Variants in AKT3 observed in about 807,000 individuals in gnomAD.
The protein encoded by AKT3 is AKT serine/threonine kinase 3.
Under a neutral mutation model 65.3 loss-of-function variants are expected in AKT3, and 15 were observed. The ratio of observed to expected loss-of-function variants is 0.23; its 90% CI spans 0.15 to 0.35. The LOEUF (loss-of-function observed/expected upper bound fraction) is 0.35. Ranked by LOEUF, AKT3 falls within the 10% of genes least tolerant of loss-of-function variation. AKT3 has a pLI of 1.00. For missense variants in AKT3, 243 were observed against 576.5 expected (o/e 0.42, Z 5.92); for synonymous variants, 206 against 183.8 (o/e 1.12, Z -0.98).
chr1:243,653,001 A>G (rs2147873139), intron 4 of AKT3, among the ~76,000 whole-genome samples: 1 of 152,076 alleles, frequency 6.6e-6, no homozygotes, highest in East Asian at 1.9e-4. Context: ...CTCCCACACA[A>G]TAATAGTGGG....
chr1:243,665,602 G>GT lies in AKT3; in HGVS notation c.173-720dup, dbSNP rs763992945. ...TGTGCGTAGATTCAATTATTTTTTC[G>GT]TACCATTAACTACACAAACTTGGAC... On this transcript the variant is annotated intron_variant, in intron 3 of 13. Coordinates refer to ENST00000673466, the MANE Select transcript of AKT3 (RefSeq NM_005465.7). Among the ~76,000 whole-genome samples, 21 of 152,034 alleles carry GT rather than the reference G, an allele frequency of 1.4e-4. No individual in the cohort carries two copies. The East Asian group carries it at 3.9e-3, about 28-fold the overall frequency.
chr1:243,569,995 T>C (rs926887537), intron 9 of AKT3, among the ~76,000 whole-genome samples: 1 of 152,224 alleles, frequency 6.6e-6, no homozygotes, highest in Admixed American at 6.5e-5. Flanking sequence ...CACAAGGAAT[T>C]TGGGTCCTTA....
intron 2 of AKT3, among the ~76,000 whole-genome samples, chr1:243,745,761 A>T (rs755629756): frequency 1.3e-5 from 2 of 152,136 alleles, no homozygotes; most frequent in Non-Finnish European, 2.9e-5. Context: ...GGAAGTCAAA[A>T]GACTGGACAC....
chr1:243,817,794 A>C (rs1367302336), intron 2 of AKT3, among the ~76,000 whole-genome samples: 1 of 152,186 alleles, frequency 6.6e-6, no homozygotes, highest in Non-Finnish European at 1.5e-5. Context: ...TGTTTCAAAA[A>C]CCTGGCTGAA....
chr1:243,787,054 G>A (rs1168669623), intron 2 of AKT3, among the ~76,000 whole-genome samples: 1 of 152,198 alleles, frequency 6.6e-6, no homozygotes, highest in Non-Finnish European at 1.5e-5. Flanking sequence ...AAGGACTGTA[G>A]GATTAGGTTA....
chr1:243,694,398 G>A (rs905175967), intron 3 of AKT3, among the ~76,000 whole-genome samples: 1 of 151,970 alleles, frequency 6.6e-6, no homozygotes, highest in African/African-American at 2.4e-5. Context: ...TCTATTGAAA[G>A]AAAACCATTA....
At chr1:243,524,569 G>A (rs1305945835) in intron 12 of AKT3, among the ~76,000 whole-genome samples, 1 of 152,200 alleles carries the variant, frequency 6.6e-6, no homozygotes, top group Non-Finnish European at 1.5e-5. Context: ...AACATTCACT[G>A]GTAATTCACA....
chr1:243,850,608 G>A (rs1207152270), upstream of AKT3, among the ~76,000 whole-genome samples: 2 of 150,954 alleles, frequency 1.3e-5, no homozygotes, highest in South Asian at 2.1e-4. Context: ...CGTCGCCGCG[G>A]GGCTTGTTGT....
At chr1:243,688,752 C>G (rs1240381016) in intron 3 of AKT3, among the ~76,000 whole-genome samples, 1 of 152,104 alleles carries the variant, frequency 6.6e-6, no homozygotes, top group Non-Finnish European at 1.5e-5. Flanking sequence ...GATTTGGAAA[C>G]CGGATGTTCA....
At chr1:243,663,321 A>C (rs1378421115) in intron 4 of AKT3, among the ~76,000 whole-genome samples, 2 of 152,204 alleles carry the variant, frequency 1.3e-5, no homozygotes, top group African/African-American at 4.8e-5. Flanking sequence ...CAGATCTGAA[A>C]AGATACATAG....
At chr1:243,676,632 A>T (rs1207271227) in intron 3 of AKT3, among the ~76,000 whole-genome samples, 3 of 152,160 alleles carry the variant, frequency 2.0e-5, no homozygotes, top group Non-Finnish European at 4.4e-5. Flanking sequence ...AAATTACTAT[A>T]CCAGTACAGT....
At chr1:243,588,316 G>A (rs547133418) in intron 8 of AKT3, among the ~76,000 whole-genome samples, 2 of 152,304 alleles carry the variant, frequency 1.3e-5, no homozygotes, top group Non-Finnish European at 2.9e-5. Context: ...TAGAGCTCAC[G>A]CAGAGCTGAG....
Position 243,510,996 on chromosome 1 carries a change from A to G in AKT3, c.1354+1328T>C, listed in dbSNP as rs1669976779. ...AGGCCTATGCCCATGATTTCTACTCAGCGCTGAGCTACTTGCCCATGACTC... is the reference window on the plus strand; with the variant it reads ...AGGCCTATGCCCATGATTTCTACTCGGCGCTGAGCTACTTGCCCATGACTC... On this transcript the variant is annotated intron_variant, in intron 13 of 13. Transcript: ENST00000673466. 2.0e-5 allele frequency among the ~76,000 whole-genome samples: 3 copies of G among 152,250 alleles called. No homozygotes were observed. The South Asian group carries it at 6.2e-4, about 31-fold the overall frequency.
intron 6 of AKT3, among the ~76,000 whole-genome samples, chr1:243,634,677 A>C (rs1245299993): frequency 6.6e-6 from 1 of 151,998 alleles, no homozygotes; most frequent in Non-Finnish European, 1.5e-5. Context: ...ATCAGACAAA[A>C]TAGACTTTAA....
chr1:243,496,896 G>A (rs910506376), downstream of AKT3, among the ~76,000 whole-genome samples: 2 of 152,220 alleles, frequency 1.3e-5, no homozygotes, highest in Admixed American at 6.5e-5. Flanking sequence ...CTGCAGATGG[G>A]GGCACGTTTC....
At chr1:243,801,781 T>G (rs908655622) in intron 2 of AKT3, among the ~76,000 whole-genome samples, 4 of 152,206 alleles carry the variant, frequency 2.6e-5, no homozygotes, top group Non-Finnish European at 5.9e-5. Context: ...ACTAGTCTTA[T>G]AGTAGTGACC....
chr1:243,501,622 G>GC lies in AKT3; in HGVS notation c.*3626_*3627insG, dbSNP rs1669309009. On this transcript the variant is annotated 3_prime_UTR_variant, in exon 14 of 14. Transcript: ENST00000673466. ...TATGTGTGTGTGTGTGAGCTACAAG[G>GC]AATTATTTCTATATTTTCCTGTCAC... is the stretch of plus-strand genomic sequence containing the variant. 9.9e-5 allele frequency: 22 copies of GC among 221,616 alleles called. No individual in the cohort carries two copies. Among genetic ancestry groups the GC allele is most frequent in the Middle Eastern group, 1.3e-3 (1 of 788 alleles). The allele number at this position is 221,616 out of a possible 1,614,324, so 13.7% of individuals were successfully genotyped here.
At chr1:243,795,521 G>A (rs1260306381) in intron 2 of AKT3, among the ~76,000 whole-genome samples, 2 of 134,450 alleles carry the variant, frequency 1.5e-5, no homozygotes, top group African/African-American at 5.5e-5. Context: ...GCCCAGGCTG[G>A]AGTGCAGTGG....
chr1:243,776,198 C>A (rs1053853114), intron 2 of AKT3, among the ~76,000 whole-genome samples: 1 of 152,052 alleles, frequency 6.6e-6, no homozygotes, highest in Non-Finnish European at 1.5e-5. Context: ...AGCCCATATG[C>A]GAAATTTTAG....
Sources: allele counts gnomAD v4.1 joint callset (sites outside exome capture counted in the v4.1 genomes callset), GRCh38; gene constraint gnomAD v4.1.1; transcripts MANE v1.5; gene names NCBI Gene and HGNC (gene_info 2026-07-23, HGNC 2026-07-21).